The following HUWE1 variants were observed in gnomAD, a reference collection of about 807,000 sequenced individuals.
HUWE1 encodes E3 ubiquitin-protein ligase HUWE1.
In HUWE1, 18 loss-of-function variants were observed where a neutral mutation model predicts 299.4. The ratio of observed to expected loss-of-function variants is 0.06; its 90% CI spans 0.04 to 0.09. HUWE1 has a LOEUF of 0.09. Ranked by LOEUF, HUWE1 falls within the 10% of genes least tolerant of loss-of-function variation. The pLI, the probability that HUWE1 is intolerant of heterozygous loss-of-function variation, is 1.00. For synonymous variants in HUWE1, 1,317 were observed against 1,286.1 expected (o/e 1.02, Z -0.51); for missense variants, 1,832 against 3,462.3 (o/e 0.53, Z 11.82).
At chrX:53,676,714 C>G (rs1467111976) in intron 3 of HUWE1, among the ~76,000 whole-genome samples, 2 of 111,412 alleles carry the variant, frequency 1.8e-5, no homozygotes, top group African/African-American at 6.5e-5. Flanking sequence ...CCACTAGCCA[C>G]AAGAAGGGCA....
At position 53,546,856 on chromosome X, in the gene HUWE1, C is replaced by G. The variant is rs377658627; in HGVS notation, c.10637-31G>C. ...AGGAAACAGACAGAACACTGTAAGC[C>G]TCTCTGAAACTCACAAGCCAGGGAC... On this transcript the variant is annotated intron_variant, in intron 68 of 83. Coordinates refer to ENST00000262854, the MANE Select transcript of HUWE1 (RefSeq NM_031407.7). 200 of 1,188,796 alleles carry G rather than the reference C, an allele frequency of 1.7e-4. No individual in the cohort carries two copies. In the African/African-American group the frequency reaches 3.0e-3, roughly 18 times the overall value.
chrX:53,595,997 AAC>A (rs1314103412), intron 29 of HUWE1, among the ~76,000 whole-genome samples: 4 of 112,458 alleles, frequency 3.6e-5, no homozygotes, highest in African/African-American at 6.4e-5. Context: ...TGTAAAAGAA[AAC>A]ACAAAAAACT....
intron 47 of HUWE1, among the ~76,000 whole-genome samples, chrX:53,571,463 T>C (rs781854635): frequency 7.2e-5 from 8 of 110,865 alleles, no homozygotes; most frequent in African/African-American, 2.6e-4. Context: ...TAGCTGGGCG[T>C]GGTAGCATGT....
intron 13 of HUWE1, 78 bp downstream of exon 13, chrX:53,629,438 C>CCA: frequency 1.5e-6 from 1 of 670,967 alleles, no homozygotes; most frequent in Non-Finnish European, 2.5e-6. Context: ...CCCTCCCCCC[C>CCA]CAAAAAAGTC....
intron 29 of HUWE1, among the ~76,000 whole-genome samples, chrX:53,598,723 T>C (rs1381068798): frequency 8.9e-6 from 1 of 111,806 alleles, no homozygotes; most frequent in Admixed American, 9.5e-5. Flanking sequence ...GAGTCAAACG[T>C]TATACATGGA....
intron 28 of HUWE1, 43 bp from the exon 29 acceptor site, chrX:53,600,352 A>T: frequency 1.0e-6 from 1 of 963,832 alleles, no homozygotes; most frequent in Non-Finnish European, 1.5e-6. Flanking sequence ...ATGTAGAGCC[A>T]ACATTTACCT....
Position 53,552,318 on chromosome X carries a change from G to A in HUWE1, c.8874C>T (p.Pro2958=). 1 of 1,211,288 alleles carries A rather than the reference G, an allele frequency of 8.3e-7. No individual in the cohort carries two copies. Among genetic ancestry groups the A allele is most frequent in the Non-Finnish European group, 1.1e-6 (1 of 895,321 alleles). ...LPSTSSEEED[P]LAGISLPEGV... ...GGCATACACGGAACTCACCCGCAAG[G>A]GGATCTTCTTCTTCACTGCTTGTTG... The change falls in exon 63 of 84, where the codon CCC becomes CCT. Residue 2958 remains proline, a synonymous_variant. Transcript: ENST00000262854.
intron 3 of HUWE1, among the ~76,000 whole-genome samples, chrX:53,664,015 T>C (rs2069134409): frequency 9.0e-6 from 1 of 111,414 alleles, no homozygotes; most frequent in Admixed American, 9.5e-5. Flanking sequence ...AAATTTCCTA[T>C]AAATCATGGA....
At chrX:53,665,508 T>C (rs2069207311) in intron 3 of HUWE1, among the ~76,000 whole-genome samples, 1 of 111,757 alleles carries the variant, frequency 8.9e-6, no homozygotes, top group African/African-American at 3.3e-5. Context: ...AACGTGAGAA[T>C]AGTATCTGAG....
chrX:53,655,736 A>G (rs1557042642), intron 3 of HUWE1, among the ~76,000 whole-genome samples: 2 of 111,643 alleles, frequency 1.8e-5, no homozygotes, highest in African/African-American at 6.5e-5. Context: ...AGTCATTTGC[A>G]GGGAGGCTAT....
chrX:53,624,375 T>C (rs1368112804), intron 19 of HUWE1, among the ~76,000 whole-genome samples: 2 of 112,233 alleles, frequency 1.8e-5, no homozygotes, highest in Non-Finnish European at 3.8e-5. Flanking sequence ...CAGGCACCTC[T>C]AATCCCAGCT....
intron 7 of HUWE1, among the ~76,000 whole-genome samples, chrX:53,644,502 T>C (rs2067834017): frequency 8.9e-6 from 1 of 111,754 alleles, no homozygotes; most frequent in South Asian, 3.7e-4. Flanking sequence ...TGTTTCCAAA[T>C]GCAAGAAAAA....
chrX:53,558,987 C>G lies in HUWE1; in HGVS notation c.7989G>C (p.Met2663Ile). 4 of 1,186,193 alleles carry G rather than the reference C, an allele frequency of 3.4e-6. No individual in the cohort carries two copies. The highest frequency in any genetic ancestry group is 4.5e-6 in the Non-Finnish European group (4 of 881,630). The change falls in exon 58 of 84, where the codon ATG becomes ATC. Residue 2663 changes from methionine to isoleucine, a missense_variant. Met to Ile is a conservative substitution (Grantham distance 10, BLOSUM62 1). Coordinates refer to ENST00000262854, the MANE Select transcript of HUWE1 (RefSeq NM_031407.7). ...GCCACGCACCTGAAACACAGTCATG[C>G]ATGCTCTCAGCATCGAGAACTTTGC... ...EECKVLDAES[M>I]HDCVSVVKVS...
Position 53,548,251 on chromosome X carries a change from T to A in HUWE1, c.10058A>T (p.Gln3353Leu). 1 of 1,210,321 alleles carries A rather than the reference T, an allele frequency of 8.3e-7. No homozygotes were observed. The highest frequency in any genetic ancestry group is 1.1e-6 in the Non-Finnish European group (1 of 894,585). The change falls in exon 68 of 84, where the codon CAG becomes CTG. Residue 3353 changes from glutamine (Q) to leucine (L), a missense_variant. Gln to Leu is a moderately radical substitution (Grantham distance 113). Around this residue, in one of 15 missense-constraint regions of HUWE1, gnomAD observed 80 missense variants for 142.1 expected, o/e 0.56. Coordinates refer to ENST00000262854, the MANE Select transcript of HUWE1 (RefSeq NM_031407.7). ...ACAGTTTGTTTCTTTGGTCCGCTGC[T>A]GTGTGAAGTGGCTGGGAAATACCTG... ...LAKVFPSHFT[Q>L]QRTKETNCES...
At chrX:53,537,526 G>C in intron 78 of HUWE1, 30 bp downstream of exon 78, 1 of 1,205,149 alleles carries the variant, frequency 8.3e-7, no homozygotes, top group African/African-American at 1.7e-5. Flanking sequence ...CCTCCCACCC[G>C]CCATCTTTTC....
chrX:53,545,097 G>T lies in HUWE1; in HGVS notation c.10980C>A (p.Thr3660=), dbSNP rs143073138. 4.0e-5 allele frequency: 48 copies of T among 1,207,931 alleles called. No individual in the cohort carries two copies. The African/African-American group carries it at 7.7e-4, about 19-fold the overall frequency. The change falls in exon 71 of 84, where the codon ACC becomes ACA. Residue 3660 remains threonine (T), a synonymous_variant. Transcript: ENST00000262854. ...LEQQRRAQCE[T]LSPDGLPEEQ... ...CCTCAGGCAGGCCATCAGGAGAGAGGGTTTCACATTGGGCTCGCCGCTGCT... is the reference window on the plus strand; with the variant it reads ...CCTCAGGCAGGCCATCAGGAGAGAGTGTTTCACATTGGGCTCGCCGCTGCT...
intron 24 of HUWE1, 37 bp downstream of exon 24, chrX:53,608,815 T>C (rs2065286374): frequency 3.5e-6 from 3 of 860,029 alleles, no homozygotes; most frequent in Middle Eastern, 2.7e-4. Context: ...AAAGCACATA[T>C]ACATCTTTAC....
chrX:53,559,058 T>C lies in HUWE1; in HGVS notation c.7918A>G (p.Thr2640Ala), dbSNP rs782304157. The change falls in exon 58 of 84, where the codon ACC (threonine) becomes GCC (alanine). Residue 2640 changes from threonine (T) to alanine (A), a missense_variant and splice_region_variant. This residue lies in a region of HUWE1 where 170 missense variants were observed against 335.8 expected (regional missense o/e 0.51). Transcript: ENST00000262854. ...AGGGCTGTGGGGATGCTGGACAGGG[T>C]TCCTGTAGGGACAGCAAAGGGGAAT... ...DQSTATSQAG[T>A]LSSIPTALTR... is the part of the protein sequence containing the mutation. 1 of 1,157,981 alleles carries C rather than the reference T, an allele frequency of 8.6e-7. No homozygotes were observed. Among genetic ancestry groups the C allele is most frequent in the Non-Finnish European group, 1.2e-6 (1 of 863,466 alleles).
chrX:53,599,001 C>T (rs2064666994), intron 29 of HUWE1, among the ~76,000 whole-genome samples: 1 of 112,306 alleles, frequency 8.9e-6, no homozygotes, highest in Non-Finnish European at 1.9e-5. Flanking sequence ...TGGGTATACC[C>T]AGACTTTGAA....
Sources: allele counts gnomAD v4.1 joint callset (sites outside exome capture counted in the v4.1 genomes callset), GRCh38; gene constraint gnomAD v4.1.1; regional missense constraint gnomAD v4.1.1; transcripts MANE v1.5; gene names NCBI Gene and HGNC (gene_info 2026-07-23, HGNC 2026-07-21).